ZFYVE1: variants seen among roughly 807,000 people sequenced by gnomAD.
ZFYVE1 encodes zinc finger FYVE domain-containing protein 1.
In ZFYVE1, 30 loss-of-function variants were observed where a neutral mutation model predicts 74.4. That is an observed-to-expected ratio of 0.40 (90% CI 0.30 to 0.55). The LOEUF is 0.55. Among genes scored for constraint, ZFYVE1 ranks in the 20% least tolerant of loss-of-function variants. The probability of loss-of-function intolerance (pLI) is 0.42; values close to 1 mark genes in which losing one functional copy is unlikely to be tolerated. For missense variants in ZFYVE1, 703 were observed against 1,011.6 expected (o/e 0.69, Z 4.14); for synonymous variants, 335 against 385.1 (o/e 0.87, Z 1.52).
chr14:72,984,574 G>T lies in ZFYVE1; in HGVS notation c.1204-2679C>A, dbSNP rs193011937. On this transcript the variant is annotated intron_variant, in intron 4 of 11. Transcript: ENST00000556143. ...ACATGAAGATCTTGAAAGAGGATAT[G>T]AATGAATATATAGAAATGCTGAGAA... 2.4e-3 allele frequency among the ~76,000 whole-genome samples: 371 copies of T among 152,100 alleles called. 2 individuals carry two copies. The highest frequency in any genetic ancestry group is 7.8e-3 in the African/African-American group (324 of 41,522).
chr14:73,025,261 G>A (rs1022919887), intron 1 of ZFYVE1, among the ~76,000 whole-genome samples: 2 of 151,682 alleles, frequency 1.3e-5, no homozygotes, highest in African/African-American at 4.8e-5. Context: ...TAGAGACGGG[G>A]TTTCACCATG....
intron 2 of ZFYVE1, among the ~76,000 whole-genome samples, chr14:73,002,667 C>T (rs1893896645): frequency 6.6e-6 from 1 of 151,756 alleles, no homozygotes; most frequent in East Asian, 1.9e-4. Flanking sequence ...CTTATGGCTA[C>T]TGCAGCCAAA....
rs759259935 is a variant in ZFYVE1, at chr14:73,024,205, C to A, written c.304G>T (p.Glu102Ter). 1 of 1,614,160 alleles carries A rather than the reference C, an allele frequency of 6.2e-7. No individual in the cohort carries two copies. The highest frequency in any genetic ancestry group is 1.7e-5 in the Admixed American group (1 of 60,010). ...CCAGAATGAGTCCTCTTCTGGCACT[C>A]CAGGCACAAGTTAATTTTGCAGGTC... Reference protein sequence around the residue: ...CQTCKINLCLECQKRTHSGGN... With the variant: ...CQTCKINLCL Residue 102 changes from glutamate to a stop codon, truncating the protein, a stop_gained, in exon 2 of 12, where the codon GAG becomes TAG. Coordinates refer to ENST00000556143, the MANE Select transcript of ZFYVE1 (RefSeq NM_021260.4). LOFTEE classifies it high-confidence loss of function.
Position 72,974,202 on chromosome 14 carries a change from A to C in ZFYVE1, c.1988-9T>G. The stretch of plus-strand genomic sequence containing the variant: ...TTGTGCCTCGGTAACAGCTGTAGAC[A>C]GTAATAAAGGAAATGCTGTCACCTC... On this transcript the variant is annotated splice_polypyrimidine_tract_variant and intron_variant, in intron 10 of 11. Coordinates refer to ENST00000556143, the MANE Select transcript of ZFYVE1 (RefSeq NM_021260.4). The C allele has an allele frequency of 6.2e-7, 1 of 1,613,212 alleles. No individual in the cohort carries two copies. Among genetic ancestry groups the C allele is most frequent in the African/African-American group, 1.3e-5 (1 of 75,032 alleles).
At chr14:73,023,320 A>G (rs1401083634) in intron 2 of ZFYVE1, among the ~76,000 whole-genome samples, 1 of 113,294 alleles carries the variant, frequency 8.8e-6, no homozygotes, top group Non-Finnish European at 1.8e-5. Flanking sequence ...TGTTTTATAT[A>G]TAATATATAT....
At chr14:73,001,745 TC>T (rs146237058) in intron 2 of ZFYVE1, among the ~76,000 whole-genome samples, 9 of 122,998 alleles carry the variant, frequency 7.3e-5, no homozygotes, top group South Asian at 5.0e-4. Context: ...TTTGGGAGGC[TC>T]GAGACCAGCC....
chr14:72,976,782 C>CAAA (rs61560948), intron 8 of ZFYVE1, among the ~76,000 whole-genome samples: 2 of 76,228 alleles, frequency 2.6e-5, no homozygotes, highest in Non-Finnish European at 2.7e-5. Context: ...GACTCCATCT[C>CAAA]AAAAAAAAAA....
At chr14:72,989,542 A>G (rs1392962835) in intron 4 of ZFYVE1, among the ~76,000 whole-genome samples, 2 of 152,102 alleles carry the variant, frequency 1.3e-5, no homozygotes, top group Non-Finnish European at 2.9e-5. Context: ...CATTGCTTTT[A>G]TAATTTTTAA....
chr14:73,010,430 C>T (rs1894064253), intron 2 of ZFYVE1, among the ~76,000 whole-genome samples: 1 of 152,138 alleles, frequency 6.6e-6, no homozygotes, highest in African/African-American at 2.4e-5. Flanking sequence ...GGAGAAACCC[C>T]TTCTCTACTA....
chr14:72,994,988 G>T (rs1454775432), intron 3 of ZFYVE1, among the ~76,000 whole-genome samples: 1 of 152,144 alleles, frequency 6.6e-6, no homozygotes, highest in Non-Finnish European at 1.5e-5. Context: ...CAGAAACTTG[G>T]GCAGCCATAG....
Position 72,975,945 on chromosome 14 carries a change from T to C in ZFYVE1, c.1636-224A>G, listed in dbSNP as rs1893158234. ...TTCAATTCAGGACTTACTAAGCCCA[T>C]ATAATACAGGAGATGACACCTCCTC... is the stretch of plus-strand genomic sequence containing the variant. On this transcript the variant is annotated intron_variant, in intron 8 of 11. Transcript: ENST00000556143. This position sits in a 1 kb window ranked among gnomAD's most constrained non-coding sequence, Gnocchi z 4.1. 1 of 530,472 alleles carries C rather than the reference T, an allele frequency of 1.9e-6. No individual in the cohort carries two copies. The highest frequency in any genetic ancestry group is 2.6e-5 in the South Asian group (1 of 38,536). 32.9% of individuals were successfully genotyped at this position (530,472 alleles called of 1,614,324 possible). A position where few individuals can be genotyped will look rare whatever the true frequency, so the allele number is the denominator to read the frequency against.
chr14:72,998,451 C>T, intron 2 of ZFYVE1, 136 bp from the exon 3 acceptor site: 1 of 747,544 alleles, frequency 1.3e-6, no homozygotes, highest in South Asian at 3.3e-5. Flanking sequence ...ATAATAGCTC[C>T]CCACCTCCAC....
chr14:73,011,283 C>T (rs1442192333), intron 2 of ZFYVE1, among the ~76,000 whole-genome samples: 6 of 151,732 alleles, frequency 4.0e-5, no homozygotes, highest in South Asian at 2.1e-4. Context: ...CCAGGAGGTT[C>T]GAGACCAGAA....
intron 2 of ZFYVE1, among the ~76,000 whole-genome samples, chr14:73,022,100 A>G (rs778791681): frequency 1.2e-4 from 18 of 152,226 alleles, no homozygotes; most frequent in Non-Finnish European, 2.1e-4. Context: ...CAAGTGTTCC[A>G]TTTATAAAAG....
Position 72,975,265 on chromosome 14 carries a change from C to G in ZFYVE1, c.1806+286G>C. On this transcript the variant is annotated intron_variant, in intron 9 of 11. Transcript: ENST00000556143. This position sits in a 1 kb window ranked among gnomAD's most constrained non-coding sequence, Gnocchi z 4.1. ...CTAAAGACCCCTTTTCCTCCAGATT[C>G]TTATCTGGGTCCTCACATATCTAAG... 3 of 506,434 alleles carry G rather than the reference C, an allele frequency of 5.9e-6. No individual in the cohort carries two copies. The highest frequency in any genetic ancestry group is 1.0e-5 in the Non-Finnish European group (3 of 290,576). The allele number at this position is 506,434 out of a possible 1,614,324, so 31.4% of individuals were successfully genotyped here. A position where few individuals can be genotyped will look rare whatever the true frequency, so the allele number is the denominator to read the frequency against.
At chr14:72,977,627 C>G (rs529428807) in intron 8 of ZFYVE1, among the ~76,000 whole-genome samples, 23 of 152,174 alleles carry the variant, frequency 1.5e-4, no homozygotes, top group Middle Eastern at 3.4e-3. Context: ...TCTAGAAAAA[C>G]ATACACATAT....
intron 2 of ZFYVE1, among the ~76,000 whole-genome samples, chr14:73,015,903 G>C (rs1894193094): frequency 6.6e-6 from 1 of 151,904 alleles, no homozygotes; most frequent in Admixed American, 6.6e-5. Context: ...CTCCAGCCTG[G>C]CAACAGAGCA....
intron 4 of ZFYVE1, among the ~76,000 whole-genome samples, chr14:72,991,183 ATTTT>A (rs57153409): frequency 0.048 from 4,016 of 83,702 alleles, 46 homozygotes; most frequent in Non-Finnish European, 0.072. Flanking sequence ...CCCTGATGGT[ATTTT>A]TTTTTTTTTT....
At chr14:73,001,103 G>C (rs983094103) in intron 2 of ZFYVE1, among the ~76,000 whole-genome samples, 1 of 152,156 alleles carries the variant, frequency 6.6e-6, no homozygotes, top group South Asian at 2.1e-4. Context: ...TGAATGCTAC[G>C]CAAGACTGCA....
Sources: allele counts gnomAD v4.1 joint callset (sites outside exome capture counted in the v4.1 genomes callset), GRCh38; gene constraint gnomAD v4.1.1; non-coding constraint Gnocchi (gnomAD v3.1); transcripts MANE v1.5; gene names NCBI Gene and HGNC (gene_info 2026-07-23, HGNC 2026-07-21).